The following JAKMIP1 variants were observed in gnomAD, a reference collection of about 807,000 sequenced individuals.
JAKMIP1 encodes janus kinase and microtubule-interacting protein 1.
A neutral mutation model predicts 113.0 loss-of-function variants in JAKMIP1; 33 were observed. The observed-to-expected ratio is 0.29, with a 90% CI of 0.22 to 0.39. The LOEUF (loss-of-function observed/expected upper bound fraction) is 0.39, where lower values mean the gene tolerates loss of function less well. Among genes scored for constraint, JAKMIP1 ranks in the 10% least tolerant of loss-of-function variants. JAKMIP1 has a pLI of 1.00. For missense variants in JAKMIP1, 813 were observed against 1,080.5 expected, an observed-to-expected ratio of 0.75 and a Z score of 3.47; for synonymous variants, 480 against 459.9, an observed-to-expected ratio of 1.04 and a Z score of -0.56.
At position 6,184,897 on chromosome 4, in the gene JAKMIP1, G is replaced by A. The variant is rs1346098074; in HGVS notation, c.-148+15356C>T. 6.6e-6 allele frequency among the ~76,000 whole-genome samples: 1 copy of A among 152,224 alleles called. No individual in the cohort carries two copies. The highest frequency in any genetic ancestry group is 1.5e-5 in the Non-Finnish European group (1 of 68,046). On this transcript the variant is annotated intron_variant, in intron 1 of 20. Coordinates refer to ENST00000409021, the MANE Select transcript of JAKMIP1 (RefSeq NM_001099433.2). The surrounding 1 kb of genome is among the most constrained non-coding windows in gnomAD (Gnocchi z 4.5). ...GTGGGTGGGCACCATCTCATCAGCT[G>A]CCAGCACAGCTAGAATAAAGAAGGC... is the stretch of plus-strand genomic sequence containing the variant.
chr4:6,195,142 C>A (rs1205105412), intron 1 of JAKMIP1, among the ~76,000 whole-genome samples: 1 of 152,204 alleles, frequency 6.6e-6, no homozygotes, highest in Non-Finnish European at 1.5e-5. Context: ...GACAATGGGA[C>A]AAGAATAGCC....
rs1374998041 is a variant in JAKMIP1 at position 6,150,395 on chromosome 4, A to C, written c.-147-37398T>G. Reference sequence around the variant, plus strand: ...CCCCCGGTGTCAGCTTCTAACTAAAAGCCTTACTGTGCAGCGGGCTTCTCA... The same window carrying C: ...CCCCCGGTGTCAGCTTCTAACTAAACGCCTTACTGTGCAGCGGGCTTCTCA... On this transcript the variant is annotated intron_variant, in intron 1 of 20. Coordinates refer to ENST00000409021, the MANE Select transcript of JAKMIP1 (RefSeq NM_001099433.2). The surrounding 1 kb of genome is among the most constrained non-coding windows in gnomAD (Gnocchi z 4.8). 1 of 152,190 alleles carries C rather than the reference A, an allele frequency of 6.6e-6. No individual in the cohort carries two copies. The highest frequency in any genetic ancestry group is 1.5e-5 in the Non-Finnish European group (1 of 68,078). The allele number at this position is 152,190 out of a possible 1,614,324, so 9.4% of individuals were successfully genotyped here. A position where few individuals can be genotyped will look rare whatever the true frequency, so the allele number is the denominator to read the frequency against.
chr4:6,182,993 G>A (rs971869851), intron 1 of JAKMIP1, among the ~76,000 whole-genome samples: 2 of 152,174 alleles, frequency 1.3e-5, no homozygotes, highest in Admixed American at 6.5e-5. Flanking sequence ...CCTTCCTCCC[G>A]CTCAGCTCAG....
At chr4:6,160,481 C>T (rs745744757) in intron 1 of JAKMIP1, among the ~76,000 whole-genome samples, 6 of 152,140 alleles carry the variant, frequency 3.9e-5, no homozygotes, top group Non-Finnish European at 8.8e-5. Flanking sequence ...GCAAGGCAGA[C>T]GGGATCACCC....
intron 3 of JAKMIP1, among the ~76,000 whole-genome samples, chr4:6,090,797 C>A (rs981351477): frequency 6.6e-6 from 1 of 150,904 alleles, no homozygotes; most frequent in African/African-American, 2.4e-5. Flanking sequence ...ACTAGAGTGT[C>A]ACTCCCCATG....
intron 3 of JAKMIP1, among the ~76,000 whole-genome samples, chr4:6,104,985 G>A (rs185019441): frequency 1.3e-5 from 2 of 152,320 alleles, no homozygotes; most frequent in East Asian, 3.9e-4. Context: ...CAATTAGGCC[G>A]CCCAGGCAGG....
intron 1 of JAKMIP1, among the ~76,000 whole-genome samples, chr4:6,169,327 T>C (rs1245599147): frequency 6.6e-6 from 1 of 151,728 alleles, no homozygotes; most frequent in Non-Finnish European, 1.5e-5. Context: ...ACAGCTGGGG[T>C]CCTTATAAAA....
rs1336158707 is a variant in JAKMIP1 at position 6,180,304 on chromosome 4, A to G, written c.-148+19949T>C. 1.3e-5 allele frequency among the ~76,000 whole-genome samples: 2 copies of G among 152,246 alleles called. No individual in the cohort carries two copies. Among genetic ancestry groups the G allele is most frequent in the Non-Finnish European group, 2.9e-5 (2 of 68,040 alleles). On this transcript the variant is annotated intron_variant, in intron 1 of 20. Transcript: ENST00000409021. This position sits in a 1 kb window ranked among gnomAD's most constrained non-coding sequence, Gnocchi z 4.5. ...AAAATTCTCATCAAATAGAAATGAG[A>G]GTTGTTTATCAACATTCAAGAGAAC... is the stretch of plus-strand genomic sequence containing the variant.
rs1348281914 is a variant in JAKMIP1 at position 6,080,199 on chromosome 4, C to T, written c.1215G>A (p.Gln405=). The T allele has an allele frequency of 1.2e-6, 2 of 1,613,114 alleles. No individual in the cohort carries two copies. The highest frequency in any genetic ancestry group is 4.5e-5 in the East Asian group (2 of 44,838). The part of the protein sequence containing the change: ...IEFLRLQVLE[Q]QHVIDDLSLE... ...GTGAGAGGTCGTCAATGACGTGCTG[C>T]TGCTCCAGCACCTGCAGCCTCAGGA... The change falls in exon 7 of 21, where the codon CAG becomes CAA. Residue 405 remains glutamine (Q), a synonymous_variant. Coordinates refer to ENST00000409021, the MANE Select transcript of JAKMIP1 (RefSeq NM_001099433.2). This position sits in a 1 kb window ranked among gnomAD's most constrained non-coding sequence, Gnocchi z 6.0.
intron 1 of JAKMIP1, among the ~76,000 whole-genome samples, chr4:6,191,273 C>T (rs1389998905): frequency 6.6e-6 from 1 of 152,210 alleles, no homozygotes; most frequent in African/African-American, 2.4e-5. Context: ...ACCAGGCCTT[C>T]CCGAGGGCTC....
intron 2 of JAKMIP1, 150 bp downstream of exon 2, chr4:6,112,572 T>C (rs1366581801): frequency 5.2e-6 from 5 of 968,548 alleles, no homozygotes; most frequent in Non-Finnish European, 7.7e-6. Context: ...GTCTCTGTAC[T>C]GCAAAGGGAC....
At position 6,078,453 on chromosome 4, in the gene JAKMIP1, T is replaced by C. The variant is rs557200968; in HGVS notation, c.1302+486A>G. Among the ~76,000 whole-genome samples, 16 of 150,356 alleles carry C rather than the reference T, an allele frequency of 1.1e-4. 1 individual carries two copies. The South Asian group carries it at 3.4e-3, about 32-fold the overall frequency. On this transcript the variant is annotated intron_variant, in intron 8 of 20. Transcript: ENST00000409021. ...TCCAGTGCGCTCTTTACATTCCAGA[T>C]TGGTCCCTGTGGGCATTTGAATTTT...
Position 6,084,924 on chromosome 4 carries a change from T to C in JAKMIP1, c.876A>G (p.Leu292=), listed in dbSNP as rs754550258. 4 of 1,596,870 alleles carry C rather than the reference T, an allele frequency of 2.5e-6. No individual in the cohort carries two copies. Among genetic ancestry groups the C allele is most frequent in the Non-Finnish European group, 2.5e-6 (3 of 1,177,762 alleles). Residue 292 remains leucine (L), a synonymous_variant, in exon 5 of 21, where the codon CTA becomes CTG. Transcript: ENST00000409021. ...TCACTGAATTCAGTTCAGCAATTTT[T>C]AGTTGAAATCGCCTCACATCTCGCT... ...MDERDVRRFQ[L]KIAELNSVIR...
At chr4:6,060,550 G>A (rs757136493) in intron 10 of JAKMIP1, 43 bp from the exon 11 acceptor site, 2 of 1,412,356 alleles carry the variant, frequency 1.4e-6, no homozygotes, top group Non-Finnish European at 2.0e-6. Flanking sequence ...CACCTCCAAT[G>A]GGTGACAGGG....
chr4:6,030,704 C>T (rs1199450778), intron 19 of JAKMIP1, among the ~76,000 whole-genome samples: 5 of 152,188 alleles, frequency 3.3e-5, no homozygotes, highest in Non-Finnish European at 5.9e-5. Context: ...GAAGGGTGGA[C>T]GATTTCAGCC....
chr4:6,034,669 G>A (rs1713172653), intron 19 of JAKMIP1, among the ~76,000 whole-genome samples: 1 of 152,174 alleles, frequency 6.6e-6, no homozygotes, highest in South Asian at 2.1e-4. Context: ...GGGTGTGGTG[G>A]CGGGTGCCTA....
At chr4:6,118,761 A>T (rs1202301052) in intron 1 of JAKMIP1, among the ~76,000 whole-genome samples, 4 of 152,162 alleles carry the variant, frequency 2.6e-5, no homozygotes, top group Non-Finnish European at 5.9e-5. Flanking sequence ...TGGTTGGCCA[A>T]CATGGGCCAG....
rs1461149447 is a variant in JAKMIP1, at chr4:6,051,541, C to G, written c.1807-862G>C. ...AGGCGTAAGCCACCTCGCCCGGCCCCAAAGGCTGACTTTCTGTTCTTTCCA... is the reference window on the plus strand; with the variant it reads ...AGGCGTAAGCCACCTCGCCCGGCCCGAAAGGCTGACTTTCTGTTCTTTCCA... On this transcript the variant is annotated intron_variant, in intron 13 of 20. Transcript: ENST00000409021. The surrounding 1 kb of genome is among the most constrained non-coding windows in gnomAD (Gnocchi z 5.0). Among the ~76,000 whole-genome samples the G allele has an allele frequency of 6.6e-6, 1 of 152,208 alleles. No homozygotes were observed. The highest frequency in any genetic ancestry group is 1.5e-5 in the Non-Finnish European group (1 of 68,040).
intron 1 of JAKMIP1, among the ~76,000 whole-genome samples, chr4:6,182,506 C>T (rs1022169410): frequency 8.6e-5 from 13 of 152,002 alleles, no homozygotes; most frequent in African/African-American, 2.7e-4. Context: ...CTCCACCATG[C>T]GAGGGCACAG....
Sources: allele counts gnomAD v4.1 joint callset (sites outside exome capture counted in the v4.1 genomes callset), GRCh38; gene constraint gnomAD v4.1.1; non-coding constraint Gnocchi (gnomAD v3.1); transcripts MANE v1.5; gene names NCBI Gene and HGNC (gene_info 2026-07-23, HGNC 2026-07-21).